Variants in COPE observed in about 807,000 individuals in gnomAD.
The protein encoded by COPE is coatomer subunit epsilon.
In COPE, 19 loss-of-function variants were observed where a neutral mutation model predicts 42.1. The observed-to-expected ratio is 0.45, with a 90% CI of 0.31 to 0.66. The LOEUF is 0.66. Ranked by LOEUF, COPE falls within the 30% of genes least tolerant of loss-of-function variation. The pLI, the probability that COPE is intolerant of heterozygous loss-of-function variation, is 0.05. For missense variants in COPE, 402 were observed against 416.1 expected (o/e 0.97, Z 0.30); for synonymous variants, 195 against 181.3 (o/e 1.08, Z -0.60).
chr19:18,917,086 G>A (rs1370643587), intron 1 of COPE, among the ~76,000 whole-genome samples: 2 of 151,532 alleles, frequency 1.3e-5, no homozygotes, highest in Non-Finnish European at 2.9e-5. Context: ...CCCAGCTTTT[G>A]GTGACTGTTA....
chr19:18,911,367 G>T (rs979082024), intron 2 of COPE: 6 of 407,892 alleles, frequency 1.5e-5, no homozygotes, highest in Non-Finnish European at 2.8e-5. Context: ...GGTGAAGGGC[G>T]TGTCACCTGG....
At chr19:18,903,210 C>T (rs981482627) in intron 7 of COPE, 58 bp downstream of exon 7, 2 of 1,489,528 alleles carry the variant, frequency 1.3e-6, no homozygotes, top group African/African-American at 2.8e-5. Context: ...GCCCTGACCC[C>T]ACCCTCTGGC....
chr19:18,914,796 C>T (rs934987493), intron 1 of COPE, among the ~76,000 whole-genome samples: 2 of 146,932 alleles, frequency 1.4e-5, no homozygotes, highest in Admixed American at 6.9e-5. Flanking sequence ...TGCTCTGTCA[C>T]CCAGGTTGGA....
chr19:18,917,750 A>C (rs1355051448), intron 1 of COPE, among the ~76,000 whole-genome samples: 2 of 152,060 alleles, frequency 1.3e-5, no homozygotes, highest in Admixed American at 1.3e-4. Context: ...GTGGGAAGAA[A>C]ATTTCTTGGG....
chr19:18,912,092 C>T (rs2056816019), intron 2 of COPE, among the ~76,000 whole-genome samples: 1 of 152,092 alleles, frequency 6.6e-6, no homozygotes, highest in Admixed American at 6.6e-5. Flanking sequence ...GGTGATCTGC[C>T]CGCCTTGGCC....
chr19:18,903,563 C>T, intron 6 of COPE, 140 bp from the exon 7 acceptor site: 1 of 1,002,096 alleles, frequency 1.0e-6, no homozygotes, highest in Non-Finnish European at 1.4e-6. Context: ...AGCCACTCCG[C>T]CATGGGGACT....
intron 1 of COPE, among the ~76,000 whole-genome samples, chr19:18,918,816 C>T (rs1011364228): frequency 7.2e-5 from 11 of 152,206 alleles, no homozygotes; most frequent in African/African-American, 2.4e-4. Flanking sequence ...AATGGGTAAG[C>T]TCTGGGAGAA....
chr19:18,905,923 C>G, intron 4 of COPE: 2 of 526,596 alleles, frequency 3.8e-6, no homozygotes, highest in Non-Finnish European at 6.7e-6. Flanking sequence ...GGGCCCTGCC[C>G]GGACTCGACA....
chr19:18,915,437 G>A lies in COPE; in HGVS notation c.127-2391C>T, dbSNP rs1268454198. 9.8e-5 allele frequency among the ~76,000 whole-genome samples: 15 copies of A among 152,346 alleles called. No homozygotes were observed. In the East Asian group the frequency reaches 1.7e-3, roughly 18 times the overall value. On this transcript the variant is annotated intron_variant, in intron 1 of 9. Transcript: ENST00000262812. The stretch of plus-strand genomic sequence containing the variant: ...CAAATGTGCAGACCGTGACCCTGAC[G>A]TGAGGCTCTGGAACCGTTGTGGTTT...
intron 7 of COPE, 95 bp from the exon 8 acceptor site, chr19:18,900,544 A>C: frequency 2.1e-6 from 2 of 940,212 alleles, no homozygotes; most frequent in Non-Finnish European, 3.3e-6. Flanking sequence ...ACACAAGGTC[A>C]CCTCCTCAGA....
chr19:18,905,529 C>T, intron 5 of COPE, 47 bp downstream of exon 5: 1 of 1,557,488 alleles, frequency 6.4e-7, no homozygotes, highest in Non-Finnish European at 8.6e-7. Context: ...GGCTGTGACG[C>T]TCTGGGCTGT....
chr19:18,912,139 G>T (rs1329547987), intron 2 of COPE, among the ~76,000 whole-genome samples: 1 of 152,034 alleles, frequency 6.6e-6, no homozygotes, highest in Non-Finnish European at 1.5e-5. Flanking sequence ...GAACCACCGG[G>T]CCCAGCCCCC....
chr19:18,916,254 G>T (rs2056852739), intron 1 of COPE, among the ~76,000 whole-genome samples: 1 of 150,784 alleles, frequency 6.6e-6, no homozygotes, highest in African/African-American at 2.4e-5. Flanking sequence ...TCTGAAGGCT[G>T]AGGCAGGAGA....
chr19:18,916,213 C>T (rs1370142662), intron 1 of COPE, among the ~76,000 whole-genome samples: 2 of 145,792 alleles, frequency 1.4e-5, no homozygotes, highest in South Asian at 4.4e-4. Flanking sequence ...ATTAGCTGGG[C>T]GTGGTGGCAG....
intron 7 of COPE, among the ~76,000 whole-genome samples, chr19:18,900,843 C>T (rs1233396475): frequency 1.3e-5 from 2 of 152,176 alleles, no homozygotes; most frequent in Non-Finnish European, 2.9e-5. Flanking sequence ...AAGGAGACCT[C>T]GGCAGGGGAC....
chr19:18,910,720 T>C (rs1201286197), intron 3 of COPE: 5 of 557,324 alleles, frequency 9.0e-6, no homozygotes, highest in Non-Finnish European at 1.6e-5. Flanking sequence ...TGCCTTGTGG[T>C]CCATGAGGGC....
chr19:18,904,876 G>A (rs1484255937), intron 5 of COPE, 24 bp from the exon 6 acceptor site: 2 of 1,550,458 alleles, frequency 1.3e-6, no homozygotes. Context: ...AGATGACAGA[G>A]GGGCTGAGTG....
Position 18,903,500 on chromosome 19 carries a change from G to C in COPE, c.580-77C>G, listed in dbSNP as rs2056729279. ...CCCCGCCAGCCCCCTCCCCTAGCGG[G>C]GGGGACTCCAGCACTGCACAGAGAC... On this transcript the variant is annotated intron_variant, in intron 6 of 9. Transcript: ENST00000262812. The C allele has an allele frequency of 2.7e-6, 4 of 1,502,428 alleles. No homozygotes were observed. The East Asian group carries it at 9.7e-5, about 37-fold the overall frequency. 93.1% of individuals were successfully genotyped at this position (1,502,428 alleles called of 1,614,324 possible). A position where few individuals can be genotyped will look rare whatever the true frequency, so the allele number is the denominator to read the frequency against.
At chr19:18,918,254 TCTCC>T (rs2056876145) in intron 1 of COPE, among the ~76,000 whole-genome samples, 1 of 143,884 alleles carries the variant, frequency 7.0e-6, no homozygotes, top group Non-Finnish European at 1.5e-5. Context: ...GACACACAAC[TCTCC>T]CTCCCAGATA....
Sources: gnomAD v4.1 joint callset for allele counts (sites outside exome capture counted in the v4.1 genomes callset) on GRCh38, gnomAD v4.1.1 for gene constraint, MANE v1.5 for transcripts, NCBI Gene and HGNC (gene_info 2026-07-23, HGNC 2026-07-21) for gene names.